The following CRTC1 variants were observed in gnomAD, a reference collection of about 807,000 sequenced individuals.
CRTC1 encodes CREB regulated transcription coactivator 1.
Under a neutral mutation model 66.1 loss-of-function variants are expected in CRTC1, and 18 were observed. The ratio of observed to expected loss-of-function variants is 0.27; its 90% CI spans 0.19 to 0.40. The LOEUF is 0.40. CRTC1 is among the 10% of genes least tolerant of loss of function. CRTC1 has a pLI of 1.00. For missense variants in CRTC1, 669 were observed against 887.9 expected (o/e 0.75, Z 3.13); for synonymous variants, 416 against 398.8 (o/e 1.04, Z -0.51).
intron 10 of CRTC1, among the ~76,000 whole-genome samples, chr19:18,770,447 T>G (rs1005981434): frequency 6.6e-6 from 1 of 152,116 alleles, no homozygotes; most frequent in Non-Finnish European, 1.5e-5. Context: ...CCCCCAGAGG[T>G]GGGCCAGACC....
At chr19:18,765,816 CTGGGCA>C (rs2100104672) in intron 9 of CRTC1, among the ~76,000 whole-genome samples, 1 of 152,028 alleles carries the variant, frequency 6.6e-6, no homozygotes, top group Non-Finnish European at 1.5e-5. Flanking sequence ...CAAAAATTAG[CTGGGCA>C]TGGTGGTGTG....
chr19:18,766,304 T>A (rs1326458751), intron 9 of CRTC1, among the ~76,000 whole-genome samples: 2 of 147,542 alleles, frequency 1.4e-5, no homozygotes, highest in African/African-American at 5.1e-5. Flanking sequence ...TTTTTTTTTT[T>A]TTTTTGGTAT....
chr19:18,767,587 G>A (rs572362021), intron 9 of CRTC1, among the ~76,000 whole-genome samples: 5 of 152,244 alleles, frequency 3.3e-5, no homozygotes, highest in South Asian at 4.1e-4. Context: ...TGCCCGGCCC[G>A]GACTCCATTT....
At chr19:18,691,353 G>A (rs1375275624) in intron 1 of CRTC1, among the ~76,000 whole-genome samples, 11 of 151,320 alleles carry the variant, frequency 7.3e-5, no homozygotes, top group Admixed American at 6.6e-4. Flanking sequence ...TCATCTCTAC[G>A]AAAAAAAATT....
chr19:18,738,968 C>T (rs908204151), intron 1 of CRTC1, among the ~76,000 whole-genome samples: 2 of 152,126 alleles, frequency 1.3e-5, no homozygotes, highest in South Asian at 2.1e-4. Flanking sequence ...GGGGCTTGGG[C>T]GGCTGGAGGG....
intron 1 of CRTC1, among the ~76,000 whole-genome samples, chr19:18,695,257 C>T (rs570181900): frequency 2.6e-4 from 39 of 151,896 alleles, no homozygotes; most frequent in Non-Finnish European, 4.3e-4. Context: ...TGCCCGCCTT[C>T]GCCTCTCAAA....
intron 8 of CRTC1, among the ~76,000 whole-genome samples, chr19:18,761,232 C>T (rs1483178679): frequency 1.3e-5 from 2 of 152,260 alleles, no homozygotes; most frequent in Non-Finnish European, 2.9e-5. Flanking sequence ...TGCACCCCTG[C>T]CCTGGCCCAC....
At chr19:18,767,988 A>T (rs2054773516) in intron 9 of CRTC1, among the ~76,000 whole-genome samples, 1 of 152,028 alleles carries the variant, frequency 6.6e-6, no homozygotes, top group Non-Finnish European at 1.5e-5. Flanking sequence ...AGCTCTGCGA[A>T]GGCCTGAGCC....
intron 1 of CRTC1, among the ~76,000 whole-genome samples, chr19:18,697,103 G>A (rs1234194491): frequency 6.6e-6 from 1 of 152,086 alleles, no homozygotes; most frequent in Non-Finnish European, 1.5e-5. Context: ...CTGGATGGGG[G>A]TCCAGGTGTG....
intron 1 of CRTC1, among the ~76,000 whole-genome samples, chr19:18,706,040 G>A (rs747505488): frequency 3.7e-5 from 5 of 133,914 alleles, no homozygotes; most frequent in Admixed American, 7.7e-5. Context: ...TTTTCTTTTT[G>A]CACTTGGAGA....
chr19:18,748,976 G>A (rs1600931467), intron 4 of CRTC1, among the ~76,000 whole-genome samples: 2 of 152,150 alleles, frequency 1.3e-5, no homozygotes, highest in African/African-American at 2.4e-5. Context: ...TGAGCACAGA[G>A]AGGTCAAAAC....
In CRTC1 at chr19:18,775,752, G is replaced by T. The variant is rs911658375; in HGVS notation, c.1624G>T (p.Gly542Trp). ...CATGATGGGCCTCACGGGCAGCCACGGGAGCCTGCCGGACTCGCAGCAACT... is the reference window on the plus strand; with the variant it reads ...CATGATGGGCCTCACGGGCAGCCACTGGAGCCTGCCGGACTCGCAGCAACT... ...AAMMGLTGSH[G>W]SLPDSQQLGY... is the part of the protein sequence containing the mutation. Residue 542 changes from glycine (G) to tryptophan (W), a missense_variant, in exon 13 of 14, where the codon GGG becomes TGG. This residue lies in a region of CRTC1 where 12 missense variants were observed against 36.6 expected (regional missense o/e 0.33). Coordinates refer to ENST00000321949, the MANE Select transcript of CRTC1 (RefSeq NM_015321.3). 1 of 1,612,138 alleles carries T rather than the reference G, an allele frequency of 6.2e-7. No homozygotes were observed. The highest frequency in any genetic ancestry group is 8.5e-7 in the Non-Finnish European group (1 of 1,179,662).
chr19:18,692,470 A>T (rs770762059), intron 1 of CRTC1, among the ~76,000 whole-genome samples: 1 of 152,094 alleles, frequency 6.6e-6, no homozygotes, highest in South Asian at 2.1e-4. Flanking sequence ...GCATGGTGGC[A>T]TGCACCTGTA....
rs144437175 is a variant in CRTC1 at position 18,706,453 on chromosome 19, C to G, written c.126+22625C>G. On this transcript the variant is annotated intron_variant, in intron 1 of 13. Coordinates refer to ENST00000321949, the MANE Select transcript of CRTC1 (RefSeq NM_015321.3). ...ACTCTTGACCTCAGATGATCCCCCC[C>G]GCCTTGGCCTCCCGAAGTGTTGGGA... is the stretch of plus-strand genomic sequence containing the variant. Among the ~76,000 whole-genome samples the G allele has an allele frequency of 8.3e-3, 1,266 of 151,968 alleles. 7 individuals are homozygous for G. The highest frequency in any genetic ancestry group is 0.013 in the Non-Finnish European group (909 of 67,948).
chr19:18,688,301 C>G (rs1473822165), intron 1 of CRTC1, among the ~76,000 whole-genome samples: 1 of 152,066 alleles, frequency 6.6e-6, no homozygotes, highest in Non-Finnish European at 1.5e-5. Flanking sequence ...CAGGCACAGT[C>G]AGAGCCTTGT....
At chr19:18,731,453 G>A (rs570602327) in intron 1 of CRTC1, among the ~76,000 whole-genome samples, 2 of 152,250 alleles carry the variant, frequency 1.3e-5, no homozygotes, top group African/African-American at 4.8e-5. Flanking sequence ...TTGGATGCAG[G>A]GACCTCCTTA....
intron 8 of CRTC1, among the ~76,000 whole-genome samples, chr19:18,761,069 C>T (rs2054603395): frequency 6.6e-6 from 1 of 152,140 alleles, no homozygotes; most frequent in Admixed American, 6.5e-5. Flanking sequence ...TGAACTTAGC[C>T]CCAGTCCCAC....
intron 10 of CRTC1, among the ~76,000 whole-genome samples, chr19:18,769,139 C>T (rs933176502): frequency 2.6e-5 from 4 of 152,230 alleles, no homozygotes; most frequent in African/African-American, 9.6e-5. Context: ...GTTCTCAGGG[C>T]CAGGGCGCAG....
chr19:18,686,765 G>T (rs149899387), intron 1 of CRTC1, among the ~76,000 whole-genome samples: 1 of 151,920 alleles, frequency 6.6e-6, no homozygotes, highest in African/African-American at 2.4e-5. Context: ...CTGGGCAGAG[G>T]TGAGTTCACA....
Sources: gnomAD v4.1 joint callset for allele counts (sites outside exome capture counted in the v4.1 genomes callset) on GRCh38, gnomAD v4.1.1 for gene constraint, gnomAD v4.1.1 regional missense constraint, MANE v1.5 for transcripts, NCBI Gene and HGNC (gene_info 2026-07-23, HGNC 2026-07-21) for gene names.